Variants in IGSF9B observed in about 807,000 individuals in gnomAD.
IGSF9B encodes the protein immunoglobulin superfamily member 9B.
Under a neutral mutation model 143.7 loss-of-function variants are expected in IGSF9B, and 48 were observed. That is an observed-to-expected ratio of 0.33 (90% CI 0.26 to 0.42). IGSF9B has a LOEUF of 0.42. IGSF9B is among the 20% of genes least tolerant of loss of function. The probability of loss-of-function intolerance (pLI) is 1.00; values close to 1 mark genes in which losing one functional copy is unlikely to be tolerated. For missense variants in IGSF9B, 1,706 were observed against 1,980.0 expected (o/e 0.86, Z 2.63); for synonymous variants, 903 against 833.1 (o/e 1.08, Z -1.44).
chr11:133,919,650 G>C, intron 18 of IGSF9B, 92 bp downstream of exon 18: 1 of 839,164 alleles, frequency 1.2e-6, no homozygotes, highest in Non-Finnish European at 1.7e-6. Context: ...GAGCCCTGTC[G>C]CCGGGCGGAT....
At chr11:133,910,754 A>G (rs572583447) in intron 19 of IGSF9B, among the ~76,000 whole-genome samples, 3 of 152,340 alleles carry the variant, frequency 2.0e-5, no homozygotes, top group African/African-American at 7.2e-5. Flanking sequence ...CTGCCATCAG[A>G]ACAAGAGACA....
At chr11:133,918,279 G>C (rs1025377252) in intron 18 of IGSF9B, among the ~76,000 whole-genome samples, 6 of 148,864 alleles carry the variant, frequency 4.0e-5, no homozygotes, top group Non-Finnish European at 7.5e-5. Context: ...GGAGAGGCTT[G>C]TCTCGACAAC....
rs1177922369 is a variant in IGSF9B at position 133,920,499 on chromosome 11, G to A, written c.3226C>T (p.Leu1076Phe). ...GAGGTGGGGGGCAGTCCTCGGGGGA[G>A]GCCGGCCTTGGGCTGCAGACTCTCG... The part of the protein sequence containing the change: ...VPESLQPKAG[L>F]PRGLPPTSLQ... The change falls in exon 18 of 20, where the codon CTC becomes TTC. Residue 1076 changes from leucine to phenylalanine, a missense_variant. Around this residue, in one of 7 missense-constraint regions of IGSF9B, gnomAD observed 880 missense variants for 762.9 expected, o/e 1.15. Coordinates refer to ENST00000533871, the MANE Select transcript of IGSF9B (RefSeq NM_001277285.4). 1 of 1,585,794 alleles carries A rather than the reference G, an allele frequency of 6.3e-7. No individual in the cohort carries two copies. The highest frequency in any genetic ancestry group is 1.2e-5 in the South Asian group (1 of 86,496).
At position 133,920,825 on chromosome 11, in the gene IGSF9B, T is replaced by C; in HGVS notation, c.2900A>G (p.Tyr967Cys). 2 of 1,603,738 alleles carry C rather than the reference T, an allele frequency of 1.2e-6. No individual in the cohort carries two copies. The highest frequency in any genetic ancestry group is 1.1e-5 in the South Asian group (1 of 89,770). The change falls in exon 18 of 20, where the codon TAT (tyrosine) becomes TGT (cysteine). Residue 967 changes from tyrosine (Y) to cysteine (C), a missense_variant. Tyr to Cys is a radical substitution (Grantham distance 194, BLOSUM62 -2). Around this residue, in one of 7 missense-constraint regions of IGSF9B, gnomAD observed 880 missense variants for 762.9 expected, o/e 1.15. Transcript: ENST00000533871. ...APRPFHHGQY[Y>C]GYLSSSSPGE... ...AGGGCTGCTGCTGCTGAGGTACCCATAATACTGGCCATGGTGGAAGGGCCG... is the reference window on the plus strand; with the variant it reads ...AGGGCTGCTGCTGCTGAGGTACCCACAATACTGGCCATGGTGGAAGGGCCG...
chr11:133,938,919 C>T lies in IGSF9B; in HGVS notation c.410-958G>A, dbSNP rs188485393. ...CTCCAGAAATGATGTGAGGAATAAA[C>T]ATGTAAAAAGGAGCTTGTAAAATGC... On this transcript the variant is annotated intron_variant, in intron 3 of 19. Coordinates refer to ENST00000533871, the MANE Select transcript of IGSF9B (RefSeq NM_001277285.4). Among the ~76,000 whole-genome samples the T allele has an allele frequency of 2.7e-4, 41 of 152,294 alleles. No individual in the cohort carries two copies. The East Asian group carries it at 5.0e-3, about 19-fold the overall frequency.
intron 1 of IGSF9B, among the ~76,000 whole-genome samples, chr11:133,955,163 G>A (rs1294907779): frequency 6.6e-6 from 1 of 152,174 alleles, no homozygotes; most frequent in Non-Finnish European, 1.5e-5. Flanking sequence ...GGCATTGGAA[G>A]ACGGCAAGGA....
chr11:133,936,825 A>G (rs1939832631), intron 5 of IGSF9B, among the ~76,000 whole-genome samples: 3 of 152,314 alleles, frequency 2.0e-5, no homozygotes, highest in South Asian at 4.1e-4. Context: ...AGTTCAGCAC[A>G]GGGTAGAGAC....
At position 133,911,918 on chromosome 11, in the gene IGSF9B, G is replaced by A. The variant is rs1280524634; in HGVS notation, c.4073C>T (p.Ser1358Phe). The A allele has an allele frequency of 6.5e-7, 1 of 1,534,922 alleles. No individual in the cohort carries two copies. The highest frequency in any genetic ancestry group is 2.0e-5 in the Admixed American group (1 of 50,716). Residue 1358 changes from serine (S) to phenylalanine (F), a missense_variant, in exon 19 of 20, where the codon TCC becomes TTC. Around this residue, in one of 7 missense-constraint regions of IGSF9B, gnomAD observed 880 missense variants for 762.9 expected, o/e 1.15. Coordinates refer to ENST00000533871, the MANE Select transcript of IGSF9B (RefSeq NM_001277285.4). ...TTTCTTTGACTTCGAAGAGCCCTTG[G>A]ATGACTTTTTGGGCTTCTTTATCCG... ...YQRIKKPKKS[S>F]KGSSKSKKRS...
rs1340558937 is a variant in IGSF9B, at chr11:133,953,513, G to C, written c.64+3178C>G. ...CCACGGGGTCTTGATAGCAACCTCT[G>C]AGTCCAAACCTCCACCCTCCCATCT... On this transcript the variant is annotated intron_variant, in intron 1 of 19. Transcript: ENST00000533871. This position sits in a 1 kb window ranked among gnomAD's most constrained non-coding sequence, Gnocchi z 4.2. 6.6e-6 allele frequency among the ~76,000 whole-genome samples: 1 copy of C among 152,178 alleles called. No individual in the cohort carries two copies. The highest frequency in any genetic ancestry group is 2.4e-5 in the African/African-American group (1 of 41,430).
chr11:133,921,238 G>A lies in IGSF9B; in HGVS notation c.2487C>T (p.Ser829=). The change falls in exon 18 of 20, where the codon AGC becomes AGT. Residue 829 remains serine, a synonymous_variant. Coordinates refer to ENST00000533871, the MANE Select transcript of IGSF9B (RefSeq NM_001277285.4). ...CTGCCTTGGCCACGCTGTACTTCTTGCTGCTGATGGCCCGCTTGGTCTTCT... is the reference window on the plus strand; with the variant it reads ...CTGCCTTGGCCACGCTGTACTTCTTACTGCTGATGGCCCGCTTGGTCTTCT... ...LYKKTKRAIS[S]KKYSVAKAEA... The A allele has an allele frequency of 1.2e-6, 2 of 1,610,804 alleles. No individual in the cohort carries two copies. The highest frequency in any genetic ancestry group is 3.3e-5 in the Admixed American group (2 of 59,996).
At chr11:133,930,842 G>A (rs1338965264) in intron 11 of IGSF9B, 142 bp downstream of exon 11, 10 of 809,470 alleles carry the variant, frequency 1.2e-5, no homozygotes, top group South Asian at 4.2e-5. Context: ...GGTGCTGGAC[G>A]CGGAGTTCAG....
rs1257087135 is a variant in IGSF9B, at chr11:133,928,912, A to G, written c.1631+759T>C. Among the ~76,000 whole-genome samples, 1 of 152,234 alleles carries G rather than the reference A, an allele frequency of 6.6e-6. No homozygotes were observed. Among genetic ancestry groups the G allele is most frequent in the Non-Finnish European group, 1.5e-5 (1 of 68,044 alleles). ...AGAGAAAATGCAGGGGCTGACCCCAAGGCTGGGAAGTGAGCATCACCTCTC... is the reference window on the plus strand; with the variant it reads ...AGAGAAAATGCAGGGGCTGACCCCAGGGCTGGGAAGTGAGCATCACCTCTC... On this transcript the variant is annotated intron_variant, in intron 12 of 19. Transcript: ENST00000533871. The surrounding 1 kb of genome is among the most constrained non-coding windows in gnomAD (Gnocchi z 4.7).
Position 133,948,167 on chromosome 11 carries a change from A to C in IGSF9B, c.65-1909T>G, listed in dbSNP as rs1320562316. Among the ~76,000 whole-genome samples the C allele has an allele frequency of 6.6e-6, 1 of 150,974 alleles. No homozygotes were observed. The highest frequency in any genetic ancestry group is 1.5e-5 in the Non-Finnish European group (1 of 67,850). ...CTGTATGCAAGGGCTCCGTCTCTGC[A>C]TGTATGTACTTCTGTGTCTGTGGCT... is the stretch of plus-strand genomic sequence containing the variant. On this transcript the variant is annotated intron_variant, in intron 1 of 19. Transcript: ENST00000533871. This position sits in a 1 kb window ranked among gnomAD's most constrained non-coding sequence, Gnocchi z 4.7.
In IGSF9B at chr11:133,922,726, G is replaced by C; in HGVS notation, c.2124C>G (p.Ile708Met). 2 of 1,563,158 alleles carry C rather than the reference G, an allele frequency of 1.3e-6. No individual in the cohort carries two copies. Among genetic ancestry groups the C allele is most frequent in the Non-Finnish European group, 1.7e-6 (2 of 1,156,892 alleles). ...CCTCGGTCAGGTCCGGCTGCGGGAA[G>C]ATGTCTGCAGGGAGGGTGGGGAGCA... Reference protein sequence around the residue: ...SNIAGVSSTDIFPQPDLTEDG... With the variant: ...SNIAGVSSTDMFPQPDLTEDG... The change falls in exon 16 of 20, where the codon ATC (isoleucine) becomes ATG (methionine). Residue 708 changes from isoleucine (I) to methionine (M), a missense_variant. Around this residue, in one of 7 missense-constraint regions of IGSF9B, gnomAD observed 267 missense variants for 321.1 expected, o/e 0.83. Coordinates refer to ENST00000533871, the MANE Select transcript of IGSF9B (RefSeq NM_001277285.4).
chr11:133,901,707 T>G lies in IGSF9B; in HGVS notation c.*7362A>C, dbSNP rs1939123137. On this transcript the variant is annotated 3_prime_UTR_variant, in exon 20 of 20. Coordinates refer to ENST00000533871, the MANE Select transcript of IGSF9B (RefSeq NM_001277285.4). ...GACCCTCCTACCCAAACAGAAGTTGTCTAGCAAAAGAGCCAAACAAAGGAG... is the reference window on the plus strand; with the variant it reads ...GACCCTCCTACCCAAACAGAAGTTGGCTAGCAAAAGAGCCAAACAAAGGAG... 6.6e-6 allele frequency: 1 copy of G among 152,126 alleles called. No homozygotes were observed. Among genetic ancestry groups the G allele is most frequent in the African/African-American group, 2.4e-5 (1 of 41,398 alleles). The allele number at this position is 152,126 out of a possible 1,614,324, so 9.4% of individuals were successfully genotyped here. A position where few individuals can be genotyped will look rare whatever the true frequency, so the allele number is the denominator to read the frequency against.
intron 1 of IGSF9B, among the ~76,000 whole-genome samples, chr11:133,950,371 C>T (rs1261395925): frequency 6.6e-5 from 10 of 152,326 alleles, no homozygotes; most frequent in Middle Eastern, 3.4e-3. Flanking sequence ...GTGCTGGGAA[C>T]GCAGGGAATC....
At position 133,931,096 on chromosome 11, in the gene IGSF9B, G is replaced by A. The variant is rs762716171; in HGVS notation, c.1407C>T (p.Pro469=). Residue 469 remains proline, a synonymous_variant, in exon 11 of 20, where the codon CCC becomes CCT. Coordinates refer to ENST00000533871, the MANE Select transcript of IGSF9B (RefSeq NM_001277285.4). The surrounding 1 kb of genome is among the most constrained non-coding windows in gnomAD (Gnocchi z 7.7). ...KPSRSKHSAL[P]SGSLQFRALS... is the part of the protein sequence containing the mutation. ...GGGCACGGAACTGCAGGCTCCCACTGGGCAGGGCACTGTGCTTGCTTCTGC... is the reference window on the plus strand; with the variant it reads ...GGGCACGGAACTGCAGGCTCCCACTAGGCAGGGCACTGTGCTTGCTTCTGC... 3.7e-6 allele frequency: 6 copies of A among 1,613,588 alleles called. No individual in the cohort carries two copies. The Admixed American group carries it at 8.3e-5, about 22-fold the overall frequency.
chr11:133,940,929 A>T (rs1318238077), intron 3 of IGSF9B, among the ~76,000 whole-genome samples: 3 of 152,238 alleles, frequency 2.0e-5, no homozygotes, highest in East Asian at 3.8e-4. Context: ...GAGCGTGCTT[A>T]TCTCCGACAC....
intron 15 of IGSF9B, among the ~76,000 whole-genome samples, chr11:133,923,764 A>G (rs1480708680): frequency 2.0e-5 from 3 of 152,220 alleles, no homozygotes; most frequent in Admixed American, 1.3e-4. Flanking sequence ...CCTGTGTGGA[A>G]GTGTCTGACG....
Sources: allele counts gnomAD v4.1 joint callset (sites outside exome capture counted in the v4.1 genomes callset), GRCh38; gene constraint gnomAD v4.1.1; regional missense constraint gnomAD v4.1.1; non-coding constraint Gnocchi (gnomAD v3.1); transcripts MANE v1.5; gene names NCBI Gene and HGNC (gene_info 2026-07-23, HGNC 2026-07-21).